Variants in CEP63 observed in about 807,000 individuals in gnomAD.
CEP63 encodes centrosomal protein of 63 kDa.
In CEP63, 84 loss-of-function variants were observed where a neutral mutation model predicts 89.1. The ratio of observed to expected loss-of-function variants is 0.94; its 90% CI spans 0.79 to 1.13. The LOEUF is 1.13. CEP63 is among the 50% of genes most tolerant of loss of function. The pLI is 0.00. For synonymous variants in CEP63, 267 were observed against 272.5 expected (o/e 0.98, Z 0.20); for missense variants, 838 against 813.3 (o/e 1.03, Z -0.37).
the CEP63 span, among the ~76,000 whole-genome samples, chr3:134,705,338 G>T: frequency 1.3e-5 from 2 of 152,000 alleles, no homozygotes; most frequent in Non-Finnish European, 2.9e-5. Flanking sequence ...CTGAGTGGGG[G>T]GTCTTACGGG....
chr3:134,724,537 G>A, the CEP63 span, among the ~76,000 whole-genome samples: 1 of 152,214 alleles, frequency 6.6e-6, no homozygotes, highest in Non-Finnish European at 1.5e-5. Flanking sequence ...CCAGAAGTAG[G>A]TGGGTAATGC....
chr3:134,508,425 A>T (rs548437292), intron 3 of CEP63, among the ~76,000 whole-genome samples: 3 of 152,318 alleles, frequency 2.0e-5, no homozygotes, highest in South Asian at 2.1e-4. Context: ...TTGATTTTTT[A>T]AAAATCATAA....
chr3:134,708,780 A>G, the CEP63 span, among the ~76,000 whole-genome samples: 1 of 152,158 alleles, frequency 6.6e-6, no homozygotes, highest in Non-Finnish European at 1.5e-5. Flanking sequence ...TCATGGAGGG[A>G]TGACCAAGCA....
chr3:134,587,857 G>T (rs1958517723), downstream of CEP63, among the ~76,000 whole-genome samples: 1 of 151,608 alleles, frequency 6.6e-6, no homozygotes, highest in Non-Finnish European at 1.5e-5. Flanking sequence ...AAAAGGAAAT[G>T]GATGTTTTTA....
chr3:134,486,164 A>G lies in CEP63; in HGVS notation c.-64A>G. 3 of 985,584 alleles carry G rather than the reference A, an allele frequency of 3.0e-6. No homozygotes were observed. Among genetic ancestry groups the G allele is most frequent in the Non-Finnish European group, 3.6e-6 (3 of 830,022 alleles). 61.1% of individuals were successfully genotyped at this position (985,584 alleles called of 1,614,324 possible). On this transcript the variant is annotated 5_prime_UTR_variant, in exon 1 of 15. Transcript: ENST00000675561. ...CGCGCCGACTACAGAGGCTGGACGT[A>G]AGCTTAGCGGTGGCGCGCGTGCGCA... is the stretch of plus-strand genomic sequence containing the variant.
the CEP63 span, among the ~76,000 whole-genome samples, chr3:134,692,641 G>T: frequency 1.4e-4 from 21 of 152,120 alleles, no homozygotes; most frequent in African/African-American, 5.1e-4. Context: ...AACATCACAG[G>T]TCCCCTGAAA....
the CEP63 span, chr3:134,608,409 C>T: frequency 1.4e-6 from 2 of 1,478,600 alleles, no homozygotes; most frequent in Non-Finnish European, 1.8e-6. Context: ...TGGGTTTATG[C>T]TAGTGTGAGT....
chr3:134,486,008 C>T (rs1374367920), upstream of CEP63: 15 of 983,642 alleles, frequency 1.5e-5, no homozygotes, highest in African/African-American at 1.8e-5. Flanking sequence ...CCCCCTCCCC[C>T]GCATCACGTG....
At chr3:134,700,520 G>A in the CEP63 span, among the ~76,000 whole-genome samples, 1 of 152,032 alleles carries the variant, frequency 6.6e-6, no homozygotes, top group Non-Finnish European at 1.5e-5. Flanking sequence ...AATTTTGGCA[G>A]TTTCTACCAC....
the CEP63 span, among the ~76,000 whole-genome samples, chr3:134,763,945 T>A: frequency 6.6e-6 from 1 of 152,332 alleles, no homozygotes; most frequent in Admixed American, 6.5e-5. Context: ...GTACTCTGGA[T>A]TGATGCCTCC....
chr3:134,734,089 A>G, the CEP63 span, among the ~76,000 whole-genome samples: 1 of 152,256 alleles, frequency 6.6e-6, no homozygotes, highest in Non-Finnish European at 1.5e-5. Flanking sequence ...CTATGTTTAT[A>G]CATACTCACT....
intron 2 of CEP63, among the ~76,000 whole-genome samples, chr3:134,497,279 A>G (rs910418973): frequency 8.5e-5 from 13 of 152,258 alleles, no homozygotes; most frequent in South Asian, 2.1e-4. Flanking sequence ...CTAGGTCCCA[A>G]TTGTCGGTTT....
At chr3:134,623,969 CCAAT>C in the CEP63 span, among the ~76,000 whole-genome samples, 1 of 152,196 alleles carries the variant, frequency 6.6e-6, no homozygotes, top group Non-Finnish European at 1.5e-5. Context: ...CTGATGACTA[CCAAT>C]CAGTGTCTCC....
At chr3:134,525,473 T>C (rs556813575) in intron 3 of CEP63, among the ~76,000 whole-genome samples, 2 of 152,350 alleles carry the variant, frequency 1.3e-5, no homozygotes, top group Admixed American at 6.5e-5. Flanking sequence ...CTTGATTCTT[T>C]ATCCAGCTTG....
chr3:134,586,705 T>G (rs1242813487), intron 10 of CEP63, among the ~76,000 whole-genome samples: 1 of 152,166 alleles, frequency 6.6e-6, no homozygotes, highest in African/African-American at 2.4e-5. Flanking sequence ...CTCTGTGGTG[T>G]TCTCTGTATT....
chr3:134,620,896 G>T, the CEP63 span: 1 of 1,301,928 alleles, frequency 7.7e-7, no homozygotes, highest in East Asian at 2.4e-5. Flanking sequence ...AGGGCCTCGA[G>T]GAGGGGCTGT....
At chr3:134,560,825 A>G (rs1044055462) in intron 14 of CEP63, among the ~76,000 whole-genome samples, 7 of 152,142 alleles carry the variant, frequency 4.6e-5, no homozygotes, top group African/African-American at 1.2e-4. Context: ...GGGTGACTTT[A>G]TAGAACACAA....
the CEP63 span, among the ~76,000 whole-genome samples, chr3:134,781,989 G>A: frequency 3.3e-5 from 5 of 152,136 alleles, no homozygotes; most frequent in South Asian, 2.1e-4. Flanking sequence ...GAATGCGTCC[G>A]ATGTTTTGCC....
exon 11 of CEP63, among the ~76,000 whole-genome samples, chr3:134,587,500 T>C (rs751555857): frequency 1.9e-4 from 29 of 152,334 alleles, no homozygotes; most frequent in Admixed American, 6.5e-4. Flanking sequence ...CTCCAGACGC[T>C]GTTTGCCTGG....
Sources: allele counts gnomAD v4.1 joint callset (sites outside exome capture counted in the v4.1 genomes callset), GRCh38; gene constraint gnomAD v4.1.1; transcripts MANE v1.5; gene names NCBI Gene and HGNC (gene_info 2026-07-23, HGNC 2026-07-21).